YLPM1: variants seen among roughly 807,000 people sequenced by gnomAD.
YLPM1 encodes YLP motif-containing protein 1.
A neutral mutation model predicts 230.0 loss-of-function variants in YLPM1; 99 were observed. That is an observed-to-expected ratio of 0.43 (90% CI 0.37 to 0.51). The LOEUF (loss-of-function observed/expected upper bound fraction) is 0.51. YLPM1 is among the 20% of genes least tolerant of loss of function. The probability of loss-of-function intolerance (pLI) is 0.00; values close to 1 mark genes in which losing one functional copy is unlikely to be tolerated. For synonymous variants in YLPM1, 984 were observed against 942.5 expected (o/e 1.04, Z -0.81); for missense variants, 2,592 against 2,707.7 (o/e 0.96, Z 0.95).
At position 74,811,324 on chromosome 14, in the gene YLPM1, A is replaced by G. The variant is rs556886169; in HGVS notation, c.5229-296A>G. Among the ~76,000 whole-genome samples the G allele has an allele frequency of 3.9e-5, 6 of 152,184 alleles. No individual in the cohort carries two copies. The South Asian group carries it at 1.2e-3, about 32-fold the overall frequency. ...TGGCGAAACCCCATCTCTACAAAAA[A>G]TAACAAAAGTTGGCTGGGTGTGGTT... On this transcript the variant is annotated intron_variant, in intron 9 of 20. Transcript: ENST00000325680.
At chr14:74,829,096 C>G in intron 18 of YLPM1, 117 bp from the exon 19 acceptor site, 1 of 1,173,142 alleles carries the variant, frequency 8.5e-7, no homozygotes. Context: ...AGTGATGCTG[C>G]ACTCAAAAAT....
rs565512315 is a variant in YLPM1, at chr14:74,781,973, C to T, written c.1930C>T (p.Pro644Ser). The change falls in exon 4 of 21, where the codon CCT becomes TCT. Residue 644 changes from proline to serine, a missense_variant. Coordinates refer to ENST00000325680, the MANE Select transcript of YLPM1 (RefSeq NM_019589.3). Reference sequence around the variant, plus strand: ...CCCTGGAGTTCCACAAGGGATACCTCCTCAGTTAACAGCAGCCCCAGTTCC... The same window carrying T: ...CCCTGGAGTTCCACAAGGGATACCTTCTCAGTTAACAGCAGCCCCAGTTCC... ...PPPGVPQGIP[P>S]QLTAAPVPPA... 10 of 1,613,684 alleles carry T rather than the reference C, an allele frequency of 6.2e-6. No homozygotes were observed. In the South Asian group the frequency reaches 7.7e-5, roughly 12 times the overall value.
At chr14:74,791,604 G>A (rs1296615936) in intron 4 of YLPM1, among the ~76,000 whole-genome samples, 1 of 152,166 alleles carries the variant, frequency 6.6e-6, no homozygotes, top group Admixed American at 6.5e-5. Flanking sequence ...CAGCACTTCA[G>A]TAATTACAGA....
Position 74,763,624 on chromosome 14 carries a change from C to T in YLPM1, c.135C>T (p.Pro45=), listed in dbSNP as rs2090872638. The change falls in exon 1 of 21, where the codon CCC becomes CCT. Residue 45 remains proline, a synonymous_variant. Transcript: ENST00000325680. ...GYSSSTTPAA[P]SSSGFMSFRE... is the part of the protein sequence containing the mutation. ...CGAGCTCGACGACTCCCGCGGCCCCCTCCTCCTCGGGCTTCATGAGCTTCC... is the reference window on the plus strand; with the variant it reads ...CGAGCTCGACGACTCCCGCGGCCCCTTCCTCCTCGGGCTTCATGAGCTTCC... 6.3e-7 allele frequency: 1 copy of T among 1,592,458 alleles called. No individual in the cohort carries two copies. Among genetic ancestry groups the T allele is most frequent in the African/African-American group, 1.4e-5 (1 of 73,112 alleles).
chr14:74,800,871 T>C (rs767809762), intron 5 of YLPM1, among the ~76,000 whole-genome samples: 2 of 152,212 alleles, frequency 1.3e-5, no homozygotes, highest in Non-Finnish European at 2.9e-5. Flanking sequence ...TGAGTGTATA[T>C]TATGTCAGTC....
chr14:74,798,254 G>A lies in YLPM1; in HGVS notation c.2957G>A (p.Gly986Asp), dbSNP rs779035292. The A allele has an allele frequency of 4.3e-6, 7 of 1,613,806 alleles. No individual in the cohort carries two copies. Among genetic ancestry groups the A allele is most frequent in the Middle Eastern group, 1.6e-4 (1 of 6,084 alleles). Residue 986 changes from glycine (G) to aspartate (D), a missense_variant, in exon 5 of 21, where the codon GGT (glycine) becomes GAT (aspartate). Coordinates refer to ENST00000325680, the MANE Select transcript of YLPM1 (RefSeq NM_019589.3). Reference sequence around the variant, plus strand: ...GCAGATAATGATTTTAAACCTGTGGGTATTGGTCTACCCCATTCAGAAAAC... The same window carrying A: ...GCAGATAATGATTTTAAACCTGTGGATATTGGTCTACCCCATTCAGAAAAC... Reference protein sequence around the residue: ...LTADNDFKPVGIGLPHSENNQ... With the variant: ...LTADNDFKPVDIGLPHSENNQ...
chr14:74,794,474 G>A (rs535500564), intron 4 of YLPM1, among the ~76,000 whole-genome samples: 1 of 152,292 alleles, frequency 6.6e-6, no homozygotes, highest in South Asian at 2.1e-4. Flanking sequence ...GAGCCACCGT[G>A]CCTGGCAGTC....
chr14:74,769,863 GC>G (rs1438362016), intron 1 of YLPM1, among the ~76,000 whole-genome samples: 3 of 36,302 alleles, frequency 8.3e-5, no homozygotes, highest in Non-Finnish European at 1.1e-4. Context: ...CCCCCCCCCC[GC>G]CCCCCGCCCA....
chr14:74,810,454 A>G (rs376984146), intron 9 of YLPM1, 34 bp downstream of exon 9: 31 of 1,598,090 alleles, frequency 1.9e-5, no homozygotes, highest in Non-Finnish European at 1.7e-5. Context: ...TAGGTGTACA[A>G]ATTACTGTAT....
At position 74,812,634 on chromosome 14, in the gene YLPM1, G is replaced by A. The variant is rs753939512; in HGVS notation, c.5354G>A (p.Arg1785Gln). ...YEGPSMFGGE[R>Q]RTYPEERMPL... ...TCAACTGCTGGAATCCTAGGAGAAC[G>A]AAGGACTTATCCTGAGGAGCGAATG... The change falls in exon 11 of 21, where the codon CGA (arginine) becomes CAA (glutamine). Residue 1785 changes from arginine (R) to glutamine (Q), a missense_variant. Arg to Gln is a conservative substitution (Grantham distance 43). Around this residue, in one of 4 missense-constraint regions of YLPM1, gnomAD observed 403 missense variants for 426.7 expected, o/e 0.94. Transcript: ENST00000325680. 116 of 1,610,940 alleles carry A rather than the reference G, an allele frequency of 7.2e-5. No individual in the cohort carries two copies. The highest frequency in any genetic ancestry group is 9.4e-5 in the Non-Finnish European group (111 of 1,178,806).
chr14:74,818,283 G>A lies in YLPM1; in HGVS notation c.5999G>A (p.Arg2000His), dbSNP rs1483118653. Reference protein sequence around the residue: ...APRHMMRLDIRSLLQDAAIEE... With the variant: ...APRHMMRLDIHSLLQDAAIEE... The stretch of plus-strand genomic sequence containing the variant: ...CGTCACATGATGCGTCTAGATATTC[G>A]TTCTTTGCTGCAAGATGCTGCTATT... Residue 2000 changes from arginine (R) to histidine (H), a missense_variant, in exon 16 of 21, where the codon CGT becomes CAT. Arg to His is a conservative substitution (Grantham distance 29). Transcript: ENST00000325680. 2.5e-6 allele frequency: 4 copies of A among 1,604,716 alleles called. No individual in the cohort carries two copies. Among genetic ancestry groups the A allele is most frequent in the African/African-American group, 1.3e-5 (1 of 74,858 alleles).
intron 4 of YLPM1, among the ~76,000 whole-genome samples, chr14:74,791,898 A>G (rs1002028093): frequency 2.6e-5 from 4 of 152,202 alleles, no homozygotes; most frequent in African/African-American, 9.6e-5. Flanking sequence ...CATATTTAGA[A>G]TTTGATTAGA....
chr14:74,769,112 G>T (rs1278929851), intron 1 of YLPM1, among the ~76,000 whole-genome samples: 3 of 150,818 alleles, frequency 2.0e-5, no homozygotes, highest in African/African-American at 7.3e-5. Context: ...GTCTCGCTCT[G>T]TTGCCCAGGC....
intron 4 of YLPM1, among the ~76,000 whole-genome samples, chr14:74,792,916 C>T (rs1223281382): frequency 6.6e-6 from 1 of 152,106 alleles, no homozygotes; most frequent in Non-Finnish European, 1.5e-5. Flanking sequence ...TTTTCTGAGT[C>T]GTCCTGTATC....
At position 74,763,913 on chromosome 14, in the gene YLPM1, G is replaced by A. The variant is rs767428055; in HGVS notation, c.424G>A (p.Glu142Lys). The change falls in exon 1 of 21, where the codon GAG becomes AAG. Residue 142 changes from glutamate (E) to lysine (K), a missense_variant. Physicochemically the swap from Glu to Lys is moderately conservative, Grantham distance 56 (BLOSUM62 1). Coordinates refer to ENST00000325680, the MANE Select transcript of YLPM1 (RefSeq NM_019589.3). The stretch of plus-strand genomic sequence containing the variant: ...CGGGCCTCCTGGTTTGGTTCCAATG[G>A]AGCTGGAATCCCCCCCTGAATCTCC... ...RDGPPGLVPM[E>K]LESPPESPPV... The A allele has an allele frequency of 1.0e-5, 16 of 1,560,776 alleles. No individual in the cohort carries two copies. The highest frequency in any genetic ancestry group is 1.3e-5 in the Non-Finnish European group (15 of 1,155,170).
Position 74,810,020 on chromosome 14 carries a change from G to A in YLPM1, c.5032+18G>A, listed in dbSNP as rs746529560. On this transcript the variant is annotated intron_variant, in intron 8 of 20. Transcript: ENST00000325680. ...TGAGACAGGTAGGATTCCCAGAGAG[G>A]TCAGTATTTTTAAACATTTTAGGGC... is the stretch of plus-strand genomic sequence containing the variant. The A allele has an allele frequency of 1.3e-6, 2 of 1,577,116 alleles. No individual in the cohort carries two copies. Among genetic ancestry groups the A allele is most frequent in the Non-Finnish European group, 1.7e-6 (2 of 1,161,986 alleles).
intron 19 of YLPM1, among the ~76,000 whole-genome samples, chr14:74,834,024 G>A (rs2091626022): frequency 6.6e-6 from 1 of 152,058 alleles, no homozygotes; most frequent in Non-Finnish European, 1.5e-5. Context: ...TACAGAATAT[G>A]TATATCTCCA....
intron 1 of YLPM1, among the ~76,000 whole-genome samples, chr14:74,766,395 G>A (rs891773204): frequency 6.6e-6 from 1 of 152,104 alleles, no homozygotes; most frequent in Admixed American, 6.6e-5. Context: ...AGAGAAAAAA[G>A]TATGATTCCC....
intron 4 of YLPM1, among the ~76,000 whole-genome samples, chr14:74,796,321 T>A (rs1300322337): frequency 2.6e-5 from 4 of 152,238 alleles, no homozygotes; most frequent in Non-Finnish European, 2.9e-5. Context: ...GCTAAACTAT[T>A]TGCACTTCCA....
Sources: gnomAD v4.1 joint callset for allele counts (sites outside exome capture counted in the v4.1 genomes callset) on GRCh38, gnomAD v4.1.1 for gene constraint, gnomAD v4.1.1 regional missense constraint, MANE v1.5 for transcripts, NCBI Gene and HGNC (gene_info 2026-07-23, HGNC 2026-07-21) for gene names.